LRBA: variants seen among roughly 807,000 people sequenced by gnomAD.
The protein encoded by LRBA is lipopolysaccharide-responsive and beige-like anchor protein.
LRBA carries 176 observed loss-of-function variants against 330.0 expected under a neutral mutation model. That is an observed-to-expected ratio of 0.53 (90% CI 0.47 to 0.60). The LOEUF (loss-of-function observed/expected upper bound fraction) is 0.60. LRBA is among the 20% of genes least tolerant of loss of function. LRBA has a pLI of 0.00. For missense variants in LRBA, 3,259 were observed against 3,444.8 expected, an observed-to-expected ratio of 0.95 and a Z score of 1.35; for synonymous variants, 1,230 against 1,193.0, an observed-to-expected ratio of 1.03 and a Z score of -0.64.
intron 8 of LRBA, 82 bp from the exon 9 acceptor site, chr4:150,914,423 T>C: frequency 2.1e-6 from 2 of 972,322 alleles, no homozygotes; most frequent in Non-Finnish European, 1.5e-6. Flanking sequence ...ATCATAAATG[T>C]TTTGTCCATT....
intron 9 of LRBA, among the ~76,000 whole-genome samples, chr4:150,910,648 G>A (rs1731884562): frequency 6.6e-6 from 1 of 152,110 alleles, no homozygotes; most frequent in African/African-American, 2.4e-5. Context: ...TTTGGCTTCT[G>A]AGAATCCCTT....
In LRBA at chr4:150,302,728, T is replaced by C. The variant is rs927823170; in HGVS notation, c.7914A>G (p.Ser2638=). 6.2e-7 allele frequency: 1 copy of C among 1,612,034 alleles called. No individual in the cohort carries two copies. The highest frequency in any genetic ancestry group is 1.3e-5 in the African/African-American group (1 of 74,978). The change falls in exon 53 of 57, where the codon TCA becomes TCG. Residue 2638 remains serine, a synonymous_variant. Coordinates refer to ENST00000651943, the MANE Select transcript of LRBA (RefSeq NM_001364905.1). ...DVVTCLARSE[S]YIGGNCYILS... is the part of the protein sequence containing the mutation. ...GAATGTAGCAATTTCCCCCAATATATGACTCAGAACGAGCAAGGCAAGTGA... is the reference window on the plus strand; with the variant it reads ...GAATGTAGCAATTTCCCCCAATATACGACTCAGAACGAGCAAGGCAAGTGA...
intron 37 of LRBA, among the ~76,000 whole-genome samples, chr4:150,602,942 C>A (rs1774265640): frequency 6.6e-6 from 1 of 152,114 alleles, no homozygotes; most frequent in African/African-American, 2.4e-5. Context: ...CTTATAAGTA[C>A]ATATCTAGAT....
At chr4:150,634,411 A>C (rs1777684713) in intron 37 of LRBA, among the ~76,000 whole-genome samples, 2 of 152,232 alleles carry the variant, frequency 1.3e-5, no homozygotes, top group African/African-American at 2.4e-5. Flanking sequence ...GGCACATAAC[A>C]GGTGAATATT....
chr4:150,632,138 G>T (rs1777441428), intron 37 of LRBA, among the ~76,000 whole-genome samples: 1 of 151,860 alleles, frequency 6.6e-6, no homozygotes, highest in African/African-American at 2.4e-5. Flanking sequence ...GGCTGAGGCA[G>T]GAGAATTGCT....
intron 37 of LRBA, among the ~76,000 whole-genome samples, chr4:150,646,669 G>T (rs906548013): frequency 6.6e-6 from 1 of 152,092 alleles, no homozygotes; most frequent in African/African-American, 2.4e-5. Context: ...CTTGAAGCAA[G>T]ATAACCAAAG....
chr4:150,903,758 G>A (rs924242308), intron 13 of LRBA, among the ~76,000 whole-genome samples: 2 of 152,080 alleles, frequency 1.3e-5, no homozygotes, highest in South Asian at 2.1e-4. Flanking sequence ...TAGTAGCAAC[G>A]TATAGAGATG....
At chr4:150,812,030 C>T (rs960194858) in intron 31 of LRBA, among the ~76,000 whole-genome samples, 1 of 151,922 alleles carries the variant, frequency 6.6e-6, no homozygotes, top group African/African-American at 2.4e-5. Context: ...AATAAATTAA[C>T]CAGCAATAGT....
chr4:150,651,177 TAATAA>T (rs1779673900), intron 37 of LRBA, among the ~76,000 whole-genome samples: 1 of 152,140 alleles, frequency 6.6e-6, no homozygotes, highest in South Asian at 2.1e-4. Flanking sequence ...GCTCAATAAA[TAATAA>T]AATATCAAAT....
intron 37 of LRBA, among the ~76,000 whole-genome samples, chr4:150,620,642 A>G (rs1396460652): frequency 1.3e-5 from 2 of 152,198 alleles, no homozygotes; most frequent in East Asian, 3.8e-4. Context: ...AGAATGAAAT[A>G]ATGTCTTTTG....
At chr4:150,380,231 C>G (rs1010608462) in intron 47 of LRBA, among the ~76,000 whole-genome samples, 1 of 151,750 alleles carries the variant, frequency 6.6e-6, no homozygotes, top group Non-Finnish European at 1.5e-5. Flanking sequence ...ATGATCACAA[C>G]TCTACTCCTC....
At chr4:150,402,496 A>T (rs1369367824) in intron 47 of LRBA, among the ~76,000 whole-genome samples, 2 of 152,156 alleles carry the variant, frequency 1.3e-5, no homozygotes, top group Admixed American at 1.3e-4. Context: ...TAAATTTCTC[A>T]AAATAAAAAC....
chr4:150,848,562 G>GAAAAAAA (rs9331496), intron 26 of LRBA, among the ~76,000 whole-genome samples: 8 of 120,000 alleles, frequency 6.7e-5, no homozygotes, highest in Admixed American at 8.7e-5. Context: ...GGAGAAAAAA[G>GAAAAAAA]AAAAAAAAAA....
chr4:150,883,244 T>C (rs1005497596), intron 17 of LRBA, among the ~76,000 whole-genome samples: 1 of 152,124 alleles, frequency 6.6e-6, no homozygotes, highest in Non-Finnish European at 1.5e-5. Context: ...GCAGATCACT[T>C]GAGGTCAGGA....
At chr4:150,479,616 T>C (rs1757073521) in intron 42 of LRBA, among the ~76,000 whole-genome samples, 2 of 152,138 alleles carry the variant, frequency 1.3e-5, no homozygotes, top group Non-Finnish European at 1.5e-5. Flanking sequence ...CCTCGAGAGG[T>C]GGAGCTTAAT....
At chr4:150,549,328 A>T (rs1012786018) in intron 40 of LRBA, among the ~76,000 whole-genome samples, 14 of 150,476 alleles carry the variant, frequency 9.3e-5, no homozygotes, top group Non-Finnish European at 3.0e-5. Context: ...ATTTTATTTT[A>T]TTTTATTTTT....
intron 17 of LRBA, among the ~76,000 whole-genome samples, chr4:150,877,873 A>G (rs1156569249): frequency 6.6e-6 from 1 of 152,222 alleles, no homozygotes; most frequent in East Asian, 1.9e-4. Flanking sequence ...CAATACCAAG[A>G]TGATCTCTCA....
chr4:150,834,804 G>T (rs1747766832), intron 28 of LRBA, among the ~76,000 whole-genome samples: 1 of 152,154 alleles, frequency 6.6e-6, no homozygotes, highest in South Asian at 2.1e-4. Context: ...TTGTAGGATG[G>T]TATCTTCTTC....
chr4:150,597,730 GA>G (rs748663001), intron 38 of LRBA, among the ~76,000 whole-genome samples: 4 of 149,422 alleles, frequency 2.7e-5, no homozygotes, highest in East Asian at 2.0e-4. Flanking sequence ...CACAAAAAAA[GA>G]AAAAAAAACC....
Sources: allele counts gnomAD v4.1 joint callset (sites outside exome capture counted in the v4.1 genomes callset), GRCh38; gene constraint gnomAD v4.1.1; transcripts MANE v1.5; gene names NCBI Gene and HGNC (gene_info 2026-07-23, HGNC 2026-07-21).